SPECC1: variants seen among roughly 807,000 people sequenced by gnomAD.
SPECC1 encodes cytospin-B.
SPECC1 carries 62 observed loss-of-function variants against 104.1 expected under a neutral mutation model. That is an observed-to-expected ratio of 0.60 (90% CI 0.49 to 0.74). The LOEUF (loss-of-function observed/expected upper bound fraction) is 0.74. Ranked by LOEUF, SPECC1 falls within the 30% of genes least tolerant of loss-of-function variation. The pLI is 0.00. For missense variants in SPECC1, 1,306 were observed against 1,310.5 expected, an observed-to-expected ratio of 1.00 and a Z score of 0.05; for synonymous variants, 513 against 501.6, an observed-to-expected ratio of 1.02 and a Z score of -0.30.
chr17:20,251,540 G>T (rs2151562310), intron 9 of SPECC1, among the ~76,000 whole-genome samples: 2 of 152,264 alleles, frequency 1.3e-5, no homozygotes, highest in Non-Finnish European at 2.9e-5. Flanking sequence ...TATTTTTGTG[G>T]GATGTGGATA....
At chr17:20,182,329 T>C (rs1184745365) in intron 3 of SPECC1, among the ~76,000 whole-genome samples, 4 of 152,130 alleles carry the variant, frequency 2.6e-5, no homozygotes, top group African/African-American at 9.7e-5. Flanking sequence ...TTGCTCAGGC[T>C]AGCAGCAAAC....
intron 12 of SPECC1, among the ~76,000 whole-genome samples, chr17:20,274,441 T>C (rs2040507228): frequency 6.6e-6 from 1 of 152,212 alleles, no homozygotes; most frequent in African/African-American, 2.4e-5. Flanking sequence ...TATTTGATTA[T>C]ACTTGTTGGT....
intron 1 of SPECC1, among the ~76,000 whole-genome samples, chr17:20,031,086 C>A (rs537545243): frequency 1.3e-5 from 2 of 152,258 alleles, no homozygotes; most frequent in South Asian, 4.1e-4. Flanking sequence ...TCTCTGCCTC[C>A]TGGGTTCAAG....
intron 7 of SPECC1, among the ~76,000 whole-genome samples, chr17:20,244,581 A>T (rs1246190560): frequency 6.6e-6 from 1 of 152,112 alleles, no homozygotes. Context: ...TCTTAAATTT[A>T]TTCTATTCAT....
chr17:20,081,383 G>A (rs2046967923), intron 1 of SPECC1, among the ~76,000 whole-genome samples: 3 of 152,214 alleles, frequency 2.0e-5, no homozygotes, highest in Non-Finnish European at 2.9e-5. Flanking sequence ...CCCACGACTC[G>A]TTTTGGGCCT....
chr17:20,305,394 A>T (rs1302738196), intron 13 of SPECC1, among the ~76,000 whole-genome samples: 1 of 152,224 alleles, frequency 6.6e-6, no homozygotes, highest in African/African-American at 2.4e-5. Flanking sequence ...TCACAAACAT[A>T]GCTAATATTA....
chr17:20,172,316 G>T (rs2034150961), intron 3 of SPECC1, among the ~76,000 whole-genome samples: 1 of 152,164 alleles, frequency 6.6e-6, no homozygotes, highest in Non-Finnish European at 1.5e-5. Flanking sequence ...GTTTGCACAG[G>T]ATACTTCCAG....
intron 4 of SPECC1, among the ~76,000 whole-genome samples, chr17:20,218,753 G>GT (rs1282805931): frequency 6.6e-6 from 1 of 152,060 alleles, no homozygotes; most frequent in Non-Finnish European, 1.5e-5. Context: ...CAAATAATAG[G>GT]TTTTATTAAC....
rs149091176 is a variant in SPECC1 at position 20,232,397 on chromosome 17, C to T, written c.2343C>T (p.Ala781=). 2.1e-3 allele frequency: 3,379 copies of T among 1,607,746 alleles called. 6 individuals carry two copies. Among genetic ancestry groups the T allele is most frequent in the Non-Finnish European group, 2.6e-3 (3,069 of 1,177,010 alleles). ...QGHGRVVTSR[A]APPPVDEEPE... ...ACGGCAGGGTGGTCACCAGCAGAGC[C>T]GCCCCTCCGTGAGTCTGGTGGGCAC... Residue 781 remains alanine (A), a synonymous_variant, in exon 7 of 15, where the codon GCC becomes GCT. Coordinates refer to ENST00000395527, the MANE Select transcript of SPECC1 (RefSeq NM_001243439.2).
At chr17:20,016,469 G>A (rs951354592) in intron 1 of SPECC1, among the ~76,000 whole-genome samples, 1 of 152,158 alleles carries the variant, frequency 6.6e-6, no homozygotes, top group African/African-American at 2.4e-5. Context: ...TGTGGAGGGA[G>A]AGGCGCGGGC....
In SPECC1 at chr17:20,232,462, C is replaced by T. The variant is rs950993814; in HGVS notation, c.2351+57C>T. 15 of 1,533,104 alleles carry T rather than the reference C, an allele frequency of 9.8e-6. 1 individual carries two copies. The highest frequency in any genetic ancestry group is 1.2e-5 in the Non-Finnish European group (14 of 1,137,488). The allele number at this position is 1,533,104 out of a possible 1,614,324, so 95.0% of individuals were successfully genotyped here. ...CTTCTCAATCACTATGTATGGGGCT[C>T]CCTGGTGGGGATGGGACTCTTCATG... On this transcript the variant is annotated intron_variant, in intron 7 of 14. Transcript: ENST00000395527.
chr17:20,295,679 C>T (rs2041325904), intron 12 of SPECC1, among the ~76,000 whole-genome samples: 1 of 152,184 alleles, frequency 6.6e-6, no homozygotes, highest in Non-Finnish European at 1.5e-5. Flanking sequence ...TCTCCAGCAC[C>T]TGTTATTTCC....
rs151160487 is a variant in SPECC1, at chr17:20,254,094, G to A, written c.2680+508G>A. ...ATTCTTAAAATTTGCCCCTTTAAAG[G>A]TATTTGTCTTTTGGTGCAGTCCTCT... On this transcript the variant is annotated intron_variant, in intron 10 of 14. Transcript: ENST00000395527. Among the ~76,000 whole-genome samples the A allele has an allele frequency of 5.5e-3, 828 of 151,092 alleles. 6 individuals carry two copies. The highest frequency in any genetic ancestry group is 8.8e-3 in the Admixed American group (133 of 15,188).
At chr17:20,186,344 T>C in intron 3 of SPECC1, among the ~76,000 whole-genome samples, 1 of 152,182 alleles carries the variant, frequency 6.6e-6, no homozygotes, top group Admixed American at 6.5e-5. Context: ...GTACATGCCT[T>C]AATTTAAAAA....
intron 1 of SPECC1, among the ~76,000 whole-genome samples, chr17:20,093,733 GTTTTTTTT>G (rs10578540): frequency 7.7e-5 from 10 of 129,760 alleles, no homozygotes; most frequent in Non-Finnish European, 1.5e-4. Flanking sequence ...TTTGTTTTTT[GTTTTTTTT>G]TTTTTTGGAG....
At chr17:20,265,240 A>G (rs958978215) in intron 12 of SPECC1, among the ~76,000 whole-genome samples, 15 of 152,084 alleles carry the variant, frequency 9.9e-5, no homozygotes, top group African/African-American at 3.6e-4. Context: ...GTGTATAAGC[A>G]TTTCTTTTTC....
intron 3 of SPECC1, among the ~76,000 whole-genome samples, chr17:20,176,684 C>T (rs2034495828): frequency 6.6e-6 from 1 of 152,090 alleles, no homozygotes; most frequent in African/African-American, 2.4e-5. Flanking sequence ...GCTTGTGGCC[C>T]CTTCTTCCCT....
chr17:20,192,981 A>G (rs2035771028), intron 3 of SPECC1, among the ~76,000 whole-genome samples: 1 of 152,178 alleles, frequency 6.6e-6, no homozygotes, highest in Non-Finnish European at 1.5e-5. Context: ...GTTTAGTAAG[A>G]AAGTAAAGGA....
intron 12 of SPECC1, among the ~76,000 whole-genome samples, chr17:20,286,146 G>A (rs563734074): frequency 3.8e-4 from 58 of 152,230 alleles, no homozygotes; most frequent in African/African-American, 1.3e-3. Flanking sequence ...TGTGCATGGG[G>A]GATGCTCACG....
Sources: gnomAD v4.1 joint callset for allele counts (sites outside exome capture counted in the v4.1 genomes callset) on GRCh38, gnomAD v4.1.1 for gene constraint, MANE v1.5 for transcripts, NCBI Gene and HGNC (gene_info 2026-07-23, HGNC 2026-07-21) for gene names.